Variants in MEMO1 observed in about 807,000 individuals in gnomAD.
MEMO1 encodes protein MEMO1.
MEMO1 carries 6 observed loss-of-function variants against 45.2 expected under a neutral mutation model. That is an observed-to-expected ratio of 0.13 (90% CI 0.07 to 0.26). MEMO1 has a LOEUF of 0.26. MEMO1 is among the 10% of genes least tolerant of loss of function. The probability of loss-of-function intolerance (pLI) is 1.00; values close to 1 mark genes in which losing one functional copy is unlikely to be tolerated. For synonymous variants in MEMO1, 78 were observed against 124.3 expected (o/e 0.63, Z 2.48); for missense variants, 184 against 370.5 (o/e 0.50, Z 4.13).
At chr2:31,999,906 CA>C (rs1157546457) in intron 2 of MEMO1, among the ~76,000 whole-genome samples, 4 of 126,054 alleles carry the variant, frequency 3.2e-5, no homozygotes, top group Non-Finnish European at 4.9e-5. Context: ...TTTTTTTGGA[CA>C]AATCCTCAAT....
At chr2:31,925,492 A>AAAAAAAAAAAAAAAAAAAAAG (rs1558507956) in intron 4 of MEMO1, among the ~76,000 whole-genome samples, 1 of 133,938 alleles carries the variant, frequency 7.5e-6, no homozygotes, top group African/African-American at 2.6e-5. Flanking sequence ...AAAAAAAAAA[A>AAAAAAAAAAAAAAAAAAAAAG]AAAAAAATCT....
intron 7 of MEMO1, among the ~76,000 whole-genome samples, chr2:31,889,892 A>G (rs563390358): frequency 4.6e-5 from 7 of 152,236 alleles, no homozygotes; most frequent in Admixed American, 2.6e-4. Context: ...GATAATTCTT[A>G]TAACTATTAT....
At chr2:31,895,770 G>C (rs1370123205) in intron 6 of MEMO1, among the ~76,000 whole-genome samples, 26 of 145,850 alleles carry the variant, frequency 1.8e-4, no homozygotes, top group Admixed American at 1.8e-3. Flanking sequence ...AGTATGATAA[G>C]CACAAAGAGA....
intron 3 of MEMO1, among the ~76,000 whole-genome samples, chr2:31,933,351 T>TTATATACATATATATATATA (rs1664502130): frequency 2.2e-5 from 1 of 45,088 alleles, no homozygotes; most frequent in Non-Finnish European, 3.7e-5. Flanking sequence ...AAAAAAAAAT[T>TTATATACATATATATATATA]TATATATATA....
chr2:31,901,199 CCT>C (rs1678738237), intron 6 of MEMO1, among the ~76,000 whole-genome samples: 1 of 151,488 alleles, frequency 6.6e-6, no homozygotes, highest in African/African-American at 2.4e-5. Context: ...ATGGCGAAAC[CCT>C]GTCTCTACTA....
At position 31,868,496 on chromosome 2, in the gene MEMO1, GA is replaced by G; in HGVS notation, c.763-5del. 1.3e-6 allele frequency: 2 copies of G among 1,588,358 alleles called. No homozygotes were observed. The highest frequency in any genetic ancestry group is 1.7e-6 in the Non-Finnish European group (2 of 1,169,064). On this transcript the variant is annotated splice_region_variant and splice_polypyrimidine_tract_variant and intron_variant, in intron 9 of 9. Transcript: ENST00000404530. ...TCTTCTGGAGCTCTGTGATAGCCTAGAAAAAAGAAAAATTTGGTTAGGACAC... is the reference window on the plus strand; with the variant it reads ...TCTTCTGGAGCTCTGTGATAGCCTAGAAAAAGAAAAATTTGGTTAGGACAC...
At chr2:31,881,484 G>C (rs1675351382) in intron 8 of MEMO1, among the ~76,000 whole-genome samples, 2 of 107,610 alleles carry the variant, frequency 1.9e-5, no homozygotes, top group Admixed American at 1.3e-4. Context: ...GATAGAGTGA[G>C]AGCCTGTCTT....
intron 2 of MEMO1, among the ~76,000 whole-genome samples, chr2:31,965,611 T>C (rs1668527537): frequency 6.6e-6 from 1 of 152,108 alleles, no homozygotes; most frequent in South Asian, 2.1e-4. Context: ...CTCTTTTAAG[T>C]TTCAGTTTCC....
chr2:31,967,945 A>G (rs1668830831), intron 2 of MEMO1, among the ~76,000 whole-genome samples: 1 of 152,162 alleles, frequency 6.6e-6, no homozygotes, highest in Admixed American at 6.6e-5. Flanking sequence ...GAGGCCTTGG[A>G]AGAATGAGAG....
chr2:31,971,287 G>A (rs1384190474), intron 2 of MEMO1, among the ~76,000 whole-genome samples: 1 of 151,982 alleles, frequency 6.6e-6, no homozygotes, highest in Non-Finnish European at 1.5e-5. Context: ...TTGCTCTGTT[G>A]CCCAAGCTGT....
rs1227598324 is a variant in MEMO1 at position 31,943,380 on chromosome 2, G to A, written c.65C>T (p.Pro22Leu). ...HAGSWYTASG[P>L]QLNAQLEGWL... Reference sequence around the variant, plus strand: ...ACCTTCTAGCTGTGCATTCAGCTGCGGTCCTATAAAAAGACAAAGACAAAA... The same window carrying A: ...ACCTTCTAGCTGTGCATTCAGCTGCAGTCCTATAAAAAGACAAAGACAAAA... The change falls in exon 3 of 10, where the codon CCG becomes CTG. Residue 22 changes from proline (P) to leucine (L), a missense_variant. By Grantham distance (98) the Pro-to-Leu change is moderately conservative. Around this residue, in one of 3 missense-constraint regions of MEMO1, gnomAD observed 27 missense variants for 82.1 expected, o/e 0.33. Coordinates refer to ENST00000404530, the MANE Select transcript of MEMO1 (RefSeq NM_001301833.4). 13 of 1,611,480 alleles carry A rather than the reference G, an allele frequency of 8.1e-6. 1 individual carries two copies. Among genetic ancestry groups the A allele is most frequent in the South Asian group, 5.5e-5 (5 of 91,050 alleles).
chr2:31,895,764 T>C (rs918396741), intron 6 of MEMO1, among the ~76,000 whole-genome samples: 1 of 150,636 alleles, frequency 6.6e-6, no homozygotes, highest in African/African-American at 2.4e-5. Context: ...ATCCAAAGTA[T>C]GATAAGCACA....
At position 31,893,381 on chromosome 2, in the gene MEMO1, C is replaced by A. The variant is rs755369450; in HGVS notation, c.438-1247G>T. On this transcript the variant is annotated intron_variant, in intron 6 of 9. Coordinates refer to ENST00000404530, the MANE Select transcript of MEMO1 (RefSeq NM_001301833.4). ...GGAAGCTGCCACAGGATCTCTTTCT[C>A]TAACTGTTACCAGTTTGCTAAATAA... is the stretch of plus-strand genomic sequence containing the variant. 6 of 1,092,696 alleles carry A rather than the reference C, an allele frequency of 5.5e-6. No individual in the cohort carries two copies. The South Asian group carries it at 6.9e-5, about 13-fold the overall frequency. 67.7% of individuals were successfully genotyped at this position (1,092,696 alleles called of 1,614,324 possible). A position where few individuals can be genotyped will look rare whatever the true frequency, so the allele number is the denominator to read the frequency against.
intron 2 of MEMO1, among the ~76,000 whole-genome samples, chr2:31,993,113 C>T (rs184363933): frequency 6.6e-6 from 1 of 152,216 alleles, no homozygotes; most frequent in Admixed American, 6.6e-5. Context: ...TTTGAGACTG[C>T]AGCGAGCTAT....
At position 31,933,290 on chromosome 2, in the gene MEMO1, G is replaced by A. The variant is rs115415944; in HGVS notation, c.144-1155C>T. 6.0e-3 allele frequency among the ~76,000 whole-genome samples: 699 copies of A among 116,314 alleles called. 14 individuals carry two copies. Among genetic ancestry groups the A allele is most frequent in the African/African-American group, 0.022 (656 of 29,744 alleles). The allele number at this position is 116,314 out of a possible 152,430, so 76.3% of individuals were successfully genotyped here. ...TATGATCACGCCCACACACCAGCCT[G>A]GATGACAGAGCGAGATACCACCTCT... On this transcript the variant is annotated intron_variant, in intron 3 of 9. Coordinates refer to ENST00000404530, the MANE Select transcript of MEMO1 (RefSeq NM_001301833.4).
At chr2:31,914,674 G>A (rs1681147412) in intron 6 of MEMO1, among the ~76,000 whole-genome samples, 1 of 152,068 alleles carries the variant, frequency 6.6e-6, no homozygotes, top group Non-Finnish European at 1.5e-5. Flanking sequence ...ACATTGAGGT[G>A]ATTTGTTATG....
At chr2:31,972,320 A>G (rs1364925146) in intron 2 of MEMO1, among the ~76,000 whole-genome samples, 1 of 152,220 alleles carries the variant, frequency 6.6e-6, no homozygotes, top group Non-Finnish European at 1.5e-5. Flanking sequence ...AAAACATACC[A>G]AATTAAGAAA....
In MEMO1 at chr2:31,994,362, G is replaced by C. The variant is rs1355021781; in HGVS notation, c.61+15825C>G. On this transcript the variant is annotated intron_variant, in intron 2 of 9. Coordinates refer to ENST00000404530, the MANE Select transcript of MEMO1 (RefSeq NM_001301833.4). ...ATTAATAGAGAGGTCGGGCGTGGTG[G>C]CTCACACCTGTAATCCCAGCACTTT... 4.0e-5 allele frequency among the ~76,000 whole-genome samples: 6 copies of C among 151,664 alleles called. No individual in the cohort carries two copies. In the East Asian group the frequency reaches 7.8e-4, roughly 20 times the overall value.
chr2:31,907,949 A>G (rs961008667), intron 6 of MEMO1, among the ~76,000 whole-genome samples: 1 of 152,236 alleles, frequency 6.6e-6, no homozygotes, highest in Admixed American at 6.5e-5. Context: ...TCTGTGGTTA[A>G]GAGAGACATC....
Sources: gnomAD v4.1 joint callset for allele counts (sites outside exome capture counted in the v4.1 genomes callset) on GRCh38, gnomAD v4.1.1 for gene constraint, gnomAD v4.1.1 regional missense constraint, MANE v1.5 for transcripts, NCBI Gene and HGNC (gene_info 2026-07-23, HGNC 2026-07-21) for gene names.